Variants in OR3A2 observed in about 807,000 individuals in gnomAD.
OR3A2 encodes olfactory receptor family 3 subfamily A member 2.
For missense variants in OR3A2, 318 were observed against 392.8 expected, an observed-to-expected ratio of 0.81 and a Z score of 1.61; for synonymous variants, 126 against 159.3, an observed-to-expected ratio of 0.79 and a Z score of 1.57.
chr17:3,323,384 A>C (rs2080551142), intron 3 of OR3A2, among the ~76,000 whole-genome samples: 2 of 152,034 alleles, frequency 1.3e-5, no homozygotes, highest in Non-Finnish European at 2.9e-5. Flanking sequence ...TTACGTGTGA[A>C]TTTGATCTTG....
At chr17:3,384,067 A>T (rs985856374) in intron 1 of OR3A2, among the ~76,000 whole-genome samples, 3 of 152,060 alleles carry the variant, frequency 2.0e-5, no homozygotes, top group Admixed American at 6.6e-5. Context: ...TGCACAAGAC[A>T]GTGAGATGTA....
At chr17:3,349,417 G>C (rs1372031736) in intron 2 of OR3A2, among the ~76,000 whole-genome samples, 1 of 151,374 alleles carries the variant, frequency 6.6e-6, no homozygotes, top group Non-Finnish European at 1.5e-5. Flanking sequence ...AACCAACAAA[G>C]ATCAAAAGAG....
intron 2 of OR3A2, among the ~76,000 whole-genome samples, chr17:3,372,495 C>T (rs1173488211): frequency 3.9e-5 from 6 of 151,940 alleles, no homozygotes; most frequent in Admixed American, 3.3e-4. Context: ...GAGGTTGTAG[C>T]GAGCTGAGAT....
chr17:3,383,973 T>TG, intron 1 of OR3A2: 1 of 45,396 alleles, frequency 2.2e-5, no homozygotes, highest in South Asian at 1.1e-3. Context: ...ATACAAATAT[T>TG]TATTGAATAA....
chr17:3,369,969 A>G (rs184544435), intron 2 of OR3A2, among the ~76,000 whole-genome samples: 2 of 151,972 alleles, frequency 1.3e-5, no homozygotes, highest in East Asian at 1.9e-4. Flanking sequence ...ACGCATGGCT[A>G]ATTTTTGTAT....
rs1555530078 is a variant in OR3A2 at position 3,367,607 on chromosome 17, A to ATAT, written c.-179+16194_-179+16196dup. Among the ~76,000 whole-genome samples, 4 of 125,746 alleles carry ATAT rather than the reference A, an allele frequency of 3.2e-5. 1 individual carries two copies. Among genetic ancestry groups the ATAT allele is most frequent in the Non-Finnish European group, 4.9e-5 (3 of 61,476 alleles). 82.5% of individuals were successfully genotyped at this position (125,746 alleles called of 152,430 possible). On this transcript the variant is annotated intron_variant, in intron 2 of 4. Transcript: ENST00000573491. ...TGTATATGTGTGTGTGTGTGTATAT[A>ATAT]TATATATATATATATGCCATTTTCT...
At chr17:3,279,315 T>C (rs1223507330) in intron 1 of OR3A2, among the ~76,000 whole-genome samples, 162 bp from the exon 4 acceptor site, 1 of 152,238 alleles carries the variant, frequency 6.6e-6, no homozygotes, top group Non-Finnish European at 1.5e-5. Flanking sequence ...TAACTACAAG[T>C]ATCTCATAAC....
chr17:3,277,781 G>A (rs1019478839), exon 2 of OR3A2: 3 of 624,388 alleles, frequency 4.8e-6, no homozygotes, highest in Non-Finnish European at 8.1e-6. Context: ...GATCATAGAG[G>A]TACTCTAATA....
At chr17:3,345,440 T>C (rs62091290) in intron 2 of OR3A2, among the ~76,000 whole-genome samples, 1 of 150,610 alleles carries the variant, frequency 6.6e-6, no homozygotes, top group Non-Finnish European at 1.5e-5. Flanking sequence ...GAGAGAGAGA[T>C]AGAGACAGAG....
chr17:3,378,837 C>T (rs2049708311), intron 2 of OR3A2, among the ~76,000 whole-genome samples: 1 of 152,192 alleles, frequency 6.6e-6, no homozygotes, highest in South Asian at 2.1e-4. Flanking sequence ...ACCTAGGGCA[C>T]TTATTGCCAA....
At chr17:3,309,094 C>T (rs1028939954) in intron 3 of OR3A2, among the ~76,000 whole-genome samples, 1 of 151,898 alleles carries the variant, frequency 6.6e-6, no homozygotes, top group African/African-American at 2.4e-5. Context: ...TTAGTAGAGA[C>T]GGGGTTTCAC....
At chr17:3,370,421 C>A (rs1045605064) in intron 2 of OR3A2, among the ~76,000 whole-genome samples, 1 of 152,100 alleles carries the variant, frequency 6.6e-6, no homozygotes, top group African/African-American at 2.4e-5. Flanking sequence ...CTCTTCTTTT[C>A]TTGGTTAATC....
chr17:3,285,791 C>A (rs537642846), upstream of OR3A2, among the ~76,000 whole-genome samples: 3 of 152,168 alleles, frequency 2.0e-5, no homozygotes, highest in Admixed American at 1.3e-4. Context: ...CCCTCCCAAA[C>A]AACAACAACA....
At chr17:3,348,973 G>A (rs1018612287) in intron 2 of OR3A2, among the ~76,000 whole-genome samples, 3 of 152,038 alleles carry the variant, frequency 2.0e-5, no homozygotes, top group South Asian at 2.1e-4. Flanking sequence ...TTACAGACAA[G>A]CAAATGCTGA....
At chr17:3,379,729 GA>G (rs374857449) in intron 2 of OR3A2, among the ~76,000 whole-genome samples, 34 of 152,208 alleles carry the variant, frequency 2.2e-4, no homozygotes, top group African/African-American at 7.9e-4. Flanking sequence ...CTCAGGGTGG[GA>G]AAAACCAGGG....
At chr17:3,345,722 A>G (rs907816235) in intron 2 of OR3A2, among the ~76,000 whole-genome samples, 12 of 152,176 alleles carry the variant, frequency 7.9e-5, no homozygotes, top group Admixed American at 3.3e-4. Flanking sequence ...AAAAGGCCCC[A>G]AAGTTTTAAC....
At chr17:3,364,940 C>T (rs1353564873) in intron 2 of OR3A2, among the ~76,000 whole-genome samples, 2 of 151,312 alleles carry the variant, frequency 1.3e-5, no homozygotes, top group East Asian at 3.9e-4. Flanking sequence ...CAATTAATTA[C>T]AGGTCACTGT....
intron 3 of OR3A2, among the ~76,000 whole-genome samples, chr17:3,321,473 T>C (rs1485206526): frequency 1.3e-5 from 2 of 151,100 alleles, no homozygotes; most frequent in East Asian, 1.9e-4. Flanking sequence ...TCAAAGGGAA[T>C]GCTTCCAGTT....
At chr17:3,317,466 G>A (rs570762044) in intron 3 of OR3A2, among the ~76,000 whole-genome samples, 1 of 152,264 alleles carries the variant, frequency 6.6e-6, no homozygotes, top group East Asian at 1.9e-4. Flanking sequence ...GGAAGCTCAC[G>A]CACCTTGTTG....
Sources: gnomAD v4.1 joint callset for allele counts (sites outside exome capture counted in the v4.1 genomes callset) on GRCh38, gnomAD v4.1.1 for gene constraint, MANE v1.5 for transcripts, NCBI Gene and HGNC (gene_info 2026-07-23, HGNC 2026-07-21) for gene names.